The following MAMLD1 variants were observed in gnomAD, a reference collection of about 807,000 sequenced individuals.
The protein encoded by MAMLD1 is mastermind-like domain-containing protein 1.
MAMLD1 carries 14 observed loss-of-function variants against 45.0 expected under a neutral mutation model. The ratio of observed to expected loss-of-function variants is 0.31; its 90% CI spans 0.21 to 0.49. MAMLD1 has a LOEUF of 0.49. Ranked by LOEUF, MAMLD1 falls within the 20% of genes least tolerant of loss-of-function variation. MAMLD1 has a pLI of 0.99. For missense variants in MAMLD1, 543 were observed against 603.6 expected (o/e 0.90, Z 1.05); for synonymous variants, 254 against 247.8 (o/e 1.02, Z -0.24).
At chrX:150,418,089 G>T (rs1196404320) in intron 1 of MAMLD1, among the ~76,000 whole-genome samples, 57 of 111,324 alleles carry the variant, frequency 5.1e-4, no homozygotes, top group Non-Finnish European at 7.2e-4. Context: ...TGGTTGGTAG[G>T]CTATTGATTA....
intron 1 of MAMLD1, among the ~76,000 whole-genome samples, chrX:150,444,052 G>A (rs1363313215): frequency 8.9e-6 from 1 of 112,037 alleles, no homozygotes; most frequent in Non-Finnish European, 1.9e-5. Context: ...CTCTGGCAGG[G>A]AAGGCGGGCA....
At chrX:150,425,809 A>G (rs1181507767) in intron 1 of MAMLD1, among the ~76,000 whole-genome samples, 4 of 112,344 alleles carry the variant, frequency 3.6e-5, no homozygotes, top group African/African-American at 1.3e-4. Context: ...CAGAGGGAGC[A>G]CCTGTACAGA....
chrX:150,431,375 C>G (rs2034937203), intron 1 of MAMLD1, among the ~76,000 whole-genome samples: 1 of 87,759 alleles, frequency 1.1e-5, no homozygotes, highest in African/African-American at 4.1e-5. Context: ...CAACTGCAAT[C>G]GTTTTACTTC....
At chrX:150,479,280 G>A (rs1339467133) in intron 5 of MAMLD1, among the ~76,000 whole-genome samples, 7 of 111,703 alleles carry the variant, frequency 6.3e-5, no homozygotes, top group African/African-American at 2.0e-4. Flanking sequence ...TTCCCCTGGA[G>A]GAATGAGCCA....
At chrX:150,508,627 C>T (rs613468) in intron 6 of MAMLD1, among the ~76,000 whole-genome samples, 40,393 of 111,833 alleles carry the variant, frequency 0.36, 5,584 homozygotes, top group East Asian at 0.5. Context: ...GCCTGAGAGC[C>T]GGGCACAGTC....
Position 150,471,200 on chromosome X carries a change from A to G in MAMLD1, c.1627A>G (p.Lys543Glu). The change falls in exon 4 of 8, where the codon AAG (lysine) becomes GAG (glutamate). Residue 543 changes from lysine (K) to glutamate (E), a missense_variant. Lys to Glu is a moderately conservative substitution (Grantham distance 56, BLOSUM62 1). Transcript: ENST00000370401. Reference protein sequence around the residue: ...ATEPFTFGNTKPLSHFVSEPG... With the variant: ...ATEPFTFGNTEPLSHFVSEPG... ...GGAGCCATTTACTTTTGGCAACACC[A>G]AGCCCTTGTCCCATTTTGTTTCTGA... 1 of 1,211,724 alleles carries G rather than the reference A, an allele frequency of 8.3e-7. No homozygotes were observed. The highest frequency in any genetic ancestry group is 1.1e-6 in the Non-Finnish European group (1 of 895,489).
At position 150,467,257 on chromosome X, in the gene MAMLD1, G is replaced by A. The variant is rs782398611; in HGVS notation, c.172-2488G>A. ...TTTGGGACCCAGTGGCTTGTTTGTAGGTTACTCCATAATGGATTGAGTAAA... is the reference window on the plus strand; with the variant it reads ...TTTGGGACCCAGTGGCTTGTTTGTAAGTTACTCCATAATGGATTGAGTAAA... On this transcript the variant is annotated intron_variant, in intron 3 of 7. Coordinates refer to ENST00000370401, the MANE Select transcript of MAMLD1 (RefSeq NM_005491.5). Among the ~76,000 whole-genome samples, 3 of 112,316 alleles carry A rather than the reference G, an allele frequency of 2.7e-5. No homozygotes were observed. The South Asian group carries it at 1.1e-3, about 41-fold the overall frequency.
chrX:150,494,740 AGTGGTG>A (rs1484819476), intron 5 of MAMLD1, among the ~76,000 whole-genome samples: 1 of 109,962 alleles, frequency 9.1e-6, no homozygotes, highest in East Asian at 2.9e-4. Flanking sequence ...ATTAGCTGGG[AGTGGTG>A]GTACAAGCCT....
Position 150,449,885 on chromosome X carries a change from G to A in MAMLD1, c.96+4273G>A, listed in dbSNP as rs187772328. Among the ~76,000 whole-genome samples, 6 of 111,852 alleles carry A rather than the reference G, an allele frequency of 5.4e-5. No homozygotes were observed. In the Admixed American group the frequency reaches 5.6e-4, roughly 11 times the overall value. On this transcript the variant is annotated intron_variant, in intron 2 of 7. Coordinates refer to ENST00000370401, the MANE Select transcript of MAMLD1 (RefSeq NM_005491.5). ...GTGTTTGAGCGTCTCTCTTGTGCAA[G>A]GTACTTTGTGCACATTCGCTCATTT...
At chrX:150,426,376 A>C (rs1338781984) in intron 1 of MAMLD1, among the ~76,000 whole-genome samples, 4 of 111,448 alleles carry the variant, frequency 3.6e-5, no homozygotes, top group African/African-American at 1.3e-4. Flanking sequence ...TCTTCCCAAC[A>C]TCCAGGCCGG....
chrX:150,441,993 T>C (rs2035331660), intron 1 of MAMLD1, among the ~76,000 whole-genome samples: 1 of 111,390 alleles, frequency 9.0e-6, no homozygotes, highest in Admixed American at 9.5e-5. Flanking sequence ...AAGTACTATG[T>C]CTTGTTGGTG....
intron 6 of MAMLD1, chrX:150,504,340 A>G: frequency 1.3e-6 from 1 of 749,840 alleles, no homozygotes. Flanking sequence ...TTTCTAAGTG[A>G]TAGTGATCAG....
chrX:150,460,950 C>A (rs977044039), intron 2 of MAMLD1, among the ~76,000 whole-genome samples: 3 of 112,538 alleles, frequency 2.7e-5, no homozygotes, highest in Non-Finnish European at 5.6e-5. Flanking sequence ...CCTGCCACTG[C>A]CTCAGGGACC....
intron 6 of MAMLD1, chrX:150,504,538 T>C (rs2037666265): frequency 1.8e-6 from 1 of 543,738 alleles, no homozygotes; most frequent in Non-Finnish European, 2.2e-6. Context: ...CTGTTCACTC[T>C]TCAGCTGAAA....
chrX:150,436,204 G>T lies in MAMLD1; in HGVS notation c.-63-9250G>T, dbSNP rs375954175. Among the ~76,000 whole-genome samples, 110 of 109,659 alleles carry T rather than the reference G, an allele frequency of 1.0e-3. 1 individual carries two copies. The South Asian group carries it at 0.043, about 42-fold the overall frequency. On this transcript the variant is annotated intron_variant, in intron 1 of 7. Coordinates refer to ENST00000370401, the MANE Select transcript of MAMLD1 (RefSeq NM_005491.5). ...GAATGTGATGACTGTGCATCTTGGG[G>T]ATGGTCTTCTTGTGTAGTATTTTCA...
rs7061066 is a variant in MAMLD1, at chrX:150,373,747, A to G, written c.-64+10217A>G. Among the ~76,000 whole-genome samples, 723 of 111,766 alleles carry G rather than the reference A, an allele frequency of 6.5e-3. 11 individuals are homozygous for G. The highest frequency in any genetic ancestry group is 0.022 in the African/African-American group (690 of 30,712). ...TCTCCACCTTACCTAGAAAGATGCC[A>G]TCCTCAGCCCGCTGTACCTTAGTGG... On this transcript the variant is annotated intron_variant, in intron 1 of 7. Coordinates refer to ENST00000370401, the MANE Select transcript of MAMLD1 (RefSeq NM_005491.5).
Position 150,503,398 on chromosome X carries a change from A to G in MAMLD1, c.2165A>G (p.His722Arg). The change falls in exon 6 of 8, where the codon CAT becomes CGT. Residue 722 changes from histidine (H) to arginine (R), a missense_variant. Coordinates refer to ENST00000370401, the MANE Select transcript of MAMLD1 (RefSeq NM_005491.5). The part of the protein sequence containing the change: ...ESFLPGSSFA[H>R]ELARVTSSYS... ...TTCCTGCCCGGCAGCTCCTTTGCTC[A>G]TGAGCTGGCCCGAGTCACCTCCTCG... is the stretch of plus-strand genomic sequence containing the variant. 3 of 1,211,919 alleles carry G rather than the reference A, an allele frequency of 2.5e-6. No individual in the cohort carries two copies. The highest frequency in any genetic ancestry group is 3.4e-6 in the Non-Finnish European group (3 of 895,421).
chrX:150,447,599 T>C (rs1203827669), intron 2 of MAMLD1, among the ~76,000 whole-genome samples: 1 of 111,225 alleles, frequency 9.0e-6, no homozygotes, highest in Non-Finnish European at 1.9e-5. Flanking sequence ...AGCATCTGGG[T>C]GCTTGTGAAC....
chrX:150,475,843 A>G (rs1169497132), intron 5 of MAMLD1, among the ~76,000 whole-genome samples: 2 of 112,288 alleles, frequency 1.8e-5, no homozygotes, highest in African/African-American at 3.2e-5. Context: ...AATCAGGGCT[A>G]GGGCAGCCTT....
Sources: gnomAD v4.1 joint callset for allele counts (sites outside exome capture counted in the v4.1 genomes callset) on GRCh38, gnomAD v4.1.1 for gene constraint, MANE v1.5 for transcripts, NCBI Gene and HGNC (gene_info 2026-07-23, HGNC 2026-07-21) for gene names.